Variants in BORCS5 observed in about 807,000 individuals in gnomAD.
The protein encoded by BORCS5 is BLOC-1 related complex subunit 5, also known as BLOC-1-related complex subunit 5.
Under a neutral mutation model 22.1 loss-of-function variants are expected in BORCS5, and 17 were observed. That is an observed-to-expected ratio of 0.77 (90% CI 0.53 to 1.15). BORCS5 has a LOEUF of 1.15. Among genes scored for constraint, BORCS5 ranks in the 50% most tolerant of loss-of-function variants. The pLI, the probability that BORCS5 is intolerant of heterozygous loss-of-function variation, is 0.00. For missense variants in BORCS5, 247 were observed against 253.2 expected (o/e 0.98, Z 0.17); for synonymous variants, 117 against 99.8 (o/e 1.17, Z -1.03).
intron 2 of BORCS5, among the ~76,000 whole-genome samples, chr12:12,414,554 G>C (rs1388253652): frequency 1.2e-5 from 1 of 83,516 alleles, no homozygotes; most frequent in East Asian, 2.5e-4. Flanking sequence ...CTGGCCGGGC[G>C]GGGGGCTGAC....
chr12:12,408,048 TAC>T (rs1941633391), intron 2 of BORCS5, among the ~76,000 whole-genome samples: 1 of 152,238 alleles, frequency 6.6e-6, no homozygotes, highest in African/African-American at 2.4e-5. Context: ...AATTGAATCA[TAC>T]AGTTTTTGTC....
At chr12:12,450,554 C>T (rs943340000) in intron 3 of BORCS5, among the ~76,000 whole-genome samples, 15 of 151,932 alleles carry the variant, frequency 9.9e-5, no homozygotes, top group Admixed American at 2.6e-4. Flanking sequence ...TTTTCCATTC[C>T]GCTTGACAGC....
At chr12:12,460,667 A>G (rs561081469) in intron 3 of BORCS5, among the ~76,000 whole-genome samples, 2 of 152,168 alleles carry the variant, frequency 1.3e-5, no homozygotes, top group Non-Finnish European at 2.9e-5. Flanking sequence ...TTCTGTTCCT[A>G]CTTTGCTGAA....
rs768311495 is a variant in BORCS5 at position 12,468,738 on chromosome 12, A to G, written c.*2962A>G. ...CTTCTTTCTAGAGCCTGTTTTGCTT[A>G]TCTTGCAATCTGTTCATTTCTGTTG... On this transcript the variant is annotated 3_prime_UTR_variant, in exon 4 of 4. Coordinates refer to ENST00000314565, the MANE Select transcript of BORCS5 (RefSeq NM_058169.6). The G allele has an allele frequency of 6.6e-6, 1 of 152,156 alleles. No individual in the cohort carries two copies. The highest frequency in any genetic ancestry group is 1.5e-5 in the Non-Finnish European group (1 of 68,032). The allele number at this position is 152,156 out of a possible 1,614,324, so 9.4% of individuals were successfully genotyped here.
intron 2 of BORCS5, among the ~76,000 whole-genome samples, chr12:12,419,862 C>A (rs1942068815): frequency 6.6e-6 from 1 of 152,138 alleles, no homozygotes; most frequent in Non-Finnish European, 1.5e-5. Flanking sequence ...AGTGTCTGTT[C>A]ATATCTTTTG....
chr12:12,372,951 C>T (rs938616202), intron 2 of BORCS5, among the ~76,000 whole-genome samples: 1 of 152,156 alleles, frequency 6.6e-6, no homozygotes, highest in Non-Finnish European at 1.5e-5. Flanking sequence ...CTCTCTAACT[C>T]AGTGAGGCTG....
Position 12,435,798 on chromosome 12 carries a change from G to A in BORCS5, c.360+13G>A, listed in dbSNP as rs771284008. On this transcript the variant is annotated intron_variant, in intron 3 of 3. Transcript: ENST00000314565. ...ACGAATCAAAGAGGTAATGTGCTGC[G>A]GGAAAATAACATTGCTGACTGGTTG... The A allele has an allele frequency of 1.3e-5, 21 of 1,603,724 alleles. No homozygotes were observed. The highest frequency in any genetic ancestry group is 4.5e-5 in the South Asian group (4 of 89,804).
chr12:12,453,924 A>G (rs990383294), intron 3 of BORCS5, among the ~76,000 whole-genome samples: 2 of 152,182 alleles, frequency 1.3e-5, no homozygotes, highest in African/African-American at 4.8e-5. Context: ...TATAAAGGGA[A>G]TCATGTGATA....
At chr12:12,424,724 TA>T (rs1397926052) in intron 2 of BORCS5, among the ~76,000 whole-genome samples, 1 of 152,202 alleles carries the variant, frequency 6.6e-6, no homozygotes, top group African/African-American at 2.4e-5. Flanking sequence ...TTTTGATTGT[TA>T]CAGGATGTGT....
intron 2 of BORCS5, among the ~76,000 whole-genome samples, chr12:12,396,609 G>T (rs1325157168): frequency 6.6e-6 from 1 of 151,760 alleles, no homozygotes; most frequent in Admixed American, 6.6e-5. Context: ...TTTCTAGAGG[G>T]TACGCTAAAA....
chr12:12,431,032 A>G (rs768604199), intron 2 of BORCS5, among the ~76,000 whole-genome samples: 2 of 152,160 alleles, frequency 1.3e-5, no homozygotes, highest in Non-Finnish European at 2.9e-5. Context: ...GCTGCAATGA[A>G]TACTCTTGTA....
intron 2 of BORCS5, among the ~76,000 whole-genome samples, chr12:12,385,905 G>C (rs1863869426): frequency 6.6e-6 from 1 of 151,352 alleles, no homozygotes; most frequent in Admixed American, 6.6e-5. Flanking sequence ...TGTTTGAATG[G>C]TATGAATTAT....
intron 2 of BORCS5, among the ~76,000 whole-genome samples, chr12:12,408,126 AC>A (rs1941635549): frequency 6.6e-6 from 1 of 152,238 alleles, no homozygotes; most frequent in Non-Finnish European, 1.5e-5. Flanking sequence ...TCTAGCATGT[AC>A]CAGAATTTCA....
chr12:12,396,833 C>G (rs1370983593), intron 2 of BORCS5, among the ~76,000 whole-genome samples: 1 of 152,170 alleles, frequency 6.6e-6, no homozygotes, highest in African/African-American at 2.4e-5. Flanking sequence ...CATATGAAAT[C>G]TGTGTTGAAC....
chr12:12,406,631 A>G (rs1297943201), intron 2 of BORCS5, among the ~76,000 whole-genome samples: 1 of 112,240 alleles, frequency 8.9e-6, no homozygotes, highest in Non-Finnish European at 1.8e-5. Flanking sequence ...TCAAAAAACC[A>G]AAAAACAAAC....
chr12:12,376,761 TTAGTG>T (rs1863663645), intron 2 of BORCS5, among the ~76,000 whole-genome samples: 1 of 152,174 alleles, frequency 6.6e-6, no homozygotes, highest in African/African-American at 2.4e-5. Flanking sequence ...TGGCCTTCCT[TTAGTG>T]TAGTAATTAA....
Position 12,436,584 on chromosome 12 carries a change from T to A in BORCS5, c.360+799T>A, listed in dbSNP as rs1487165135. On this transcript the variant is annotated intron_variant, in intron 3 of 3. Coordinates refer to ENST00000314565, the MANE Select transcript of BORCS5 (RefSeq NM_058169.6). ...GGAGCTGTTTACTGGAGAAACCACT[T>A]CTGTGAATGGCACTCCCAGATTTGT... is the stretch of plus-strand genomic sequence containing the variant. Among the ~76,000 whole-genome samples the A allele has an allele frequency of 3.9e-5, 6 of 152,328 alleles. No individual in the cohort carries two copies. The South Asian group carries it at 1.2e-3, about 32-fold the overall frequency.
intron 2 of BORCS5, among the ~76,000 whole-genome samples, chr12:12,395,572 C>A (rs2136065473): frequency 6.6e-6 from 1 of 151,546 alleles, no homozygotes; most frequent in Non-Finnish European, 1.5e-5. Flanking sequence ...CAGGGGTGAG[C>A]TACCATGCCC....
chr12:12,458,076 G>A (rs187721848), intron 3 of BORCS5, among the ~76,000 whole-genome samples: 9 of 152,196 alleles, frequency 5.9e-5, no homozygotes, highest in Admixed American at 4.6e-4. Flanking sequence ...TTTAGCAAAG[G>A]AGTTCTGTTG....
Sources: allele counts gnomAD v4.1 joint callset (sites outside exome capture counted in the v4.1 genomes callset), GRCh38; gene constraint gnomAD v4.1.1; transcripts MANE v1.5; gene names NCBI Gene and HGNC (gene_info 2026-07-23, HGNC 2026-07-21).